LRGUK: variants seen among roughly 807,000 people sequenced by gnomAD.
The protein encoded by LRGUK is leucine rich repeats and guanylate kinase domain containing, also known as leucine-rich repeat and guanylate kinase domain-containing protein.
A neutral mutation model predicts 76.0 loss-of-function variants in LRGUK; 65 were observed. The ratio of observed to expected loss-of-function variants is 0.85; its 90% CI spans 0.70 to 1.05. The LOEUF (loss-of-function observed/expected upper bound fraction) is 1.05. LRGUK is among the 50% of genes least tolerant of loss of function. LRGUK has a pLI of 0.00. For missense variants in LRGUK, 758 were observed against 732.8 expected (o/e 1.03, Z -0.40); for synonymous variants, 268 against 265.6 (o/e 1.01, Z -0.09).
At chr7:134,230,119 T>C (rs1469284125) in intron 16 of LRGUK, among the ~76,000 whole-genome samples, 1 of 152,018 alleles carries the variant, frequency 6.6e-6, no homozygotes. Flanking sequence ...TGGGGAGATA[T>C]TTGCCGTAAC....
exon 5 of LRGUK, chr7:134,148,246 T>G: frequency 6.2e-7 from 1 of 1,601,154 alleles, no homozygotes; most frequent in Non-Finnish European, 8.5e-7. Context: ...AGAAGGCGGA[T>G]TTTTCCCACA....
intron 16 of LRGUK, among the ~76,000 whole-genome samples, chr7:134,226,911 G>A (rs1344186000): frequency 1.3e-5 from 2 of 152,116 alleles, no homozygotes; most frequent in Admixed American, 6.5e-5. Flanking sequence ...TCCTTTGGGC[G>A]ATCATCAGCA....
chr7:134,137,952 A>G (rs1332967337), intron 2 of LRGUK, among the ~76,000 whole-genome samples: 1 of 152,212 alleles, frequency 6.6e-6, no homozygotes, highest in African/African-American at 2.4e-5. Flanking sequence ...GATTTGAATG[A>G]GTAAGCTAAG....
intron 3 of LRGUK, among the ~76,000 whole-genome samples, chr7:134,142,464 T>C (rs1483064019): frequency 6.6e-6 from 1 of 152,228 alleles, no homozygotes; most frequent in Non-Finnish European, 1.5e-5. Context: ...AAGTGTGTGC[T>C]TGGGATAAAA....
chr7:134,225,127 A>AG (rs1219244335), intron 16 of LRGUK, among the ~76,000 whole-genome samples: 1 of 90,904 alleles, frequency 1.1e-5, no homozygotes, highest in African/African-American at 5.7e-5. Flanking sequence ...CAGAACTGGA[A>AG]AAAAAAAAAA....
intron 14 of LRGUK, among the ~76,000 whole-genome samples, chr7:134,201,140 T>C (rs947640692): frequency 1.8e-4 from 28 of 152,204 alleles, no homozygotes; most frequent in Non-Finnish European, 3.8e-4. Flanking sequence ...TCTCCTTTTA[T>C]GTGGCTCATG....
chr7:134,180,452 T>A (rs916508295), intron 10 of LRGUK, among the ~76,000 whole-genome samples: 2 of 152,134 alleles, frequency 1.3e-5, no homozygotes, highest in African/African-American at 2.4e-5. Context: ...ATTCTTGATA[T>A]TTACAATTTT....
intron 16 of LRGUK, among the ~76,000 whole-genome samples, chr7:134,245,783 A>G (rs1196623958): frequency 2.0e-5 from 3 of 152,206 alleles, no homozygotes; most frequent in African/African-American, 7.2e-5. Flanking sequence ...AATTCACGGG[A>G]GAGTGAATAA....
chr7:134,141,765 C>G (rs1255103906), intron 3 of LRGUK: 1 of 152,116 alleles, frequency 6.6e-6, no homozygotes, highest in African/African-American at 2.4e-5. Context: ...ATGGACAAAT[C>G]GATACCACTT....
intron 16 of LRGUK, among the ~76,000 whole-genome samples, chr7:134,222,794 G>C (rs1801635002): frequency 6.6e-6 from 1 of 152,082 alleles, no homozygotes; most frequent in African/African-American, 2.4e-5. Flanking sequence ...TTTCAGTAGA[G>C]ATGGGGTTTT....
At chr7:134,179,619 A>G (rs559454633) in intron 10 of LRGUK, among the ~76,000 whole-genome samples, 8 of 152,296 alleles carry the variant, frequency 5.3e-5, no homozygotes, top group African/African-American at 1.7e-4. Flanking sequence ...TCCTCATTGT[A>G]TTTCTATTCT....
rs758920526 is a variant in LRGUK at position 134,143,148 on chromosome 7, C to T, written c.574C>T (p.Pro192Ser). 16 of 1,601,824 alleles carry T rather than the reference C, an allele frequency of 1.0e-5. No individual in the cohort carries two copies. In the South Asian group the frequency reaches 1.8e-4, roughly 18 times the overall value. ...GACTACGTTCTTCAATTTCAAGCCA[C>T]CCAAAAACCTCAAGGTAGACTTTAT... Residue 192 changes from proline to serine, a missense_variant, in exon 4 of 16, where the codon CCC becomes TCC. By Grantham distance (74) the Pro-to-Ser change is moderately conservative. Coordinates refer to ENST00000645682, the Ensembl canonical transcript of LRGUK.
chr7:134,232,409 G>A (rs1801923397), intron 16 of LRGUK, among the ~76,000 whole-genome samples: 1 of 152,070 alleles, frequency 6.6e-6, no homozygotes. Context: ...CTCCTGAGTA[G>A]CTGGGATTAC....
In LRGUK at chr7:134,203,651, T is replaced by G. The variant is rs369525996; in HGVS notation, c.1843+2075T>G. ...TGACTGGAATGTTCCTGGAGAAAGT[T>G]TGACCTGTCTTAAAATAGGAATGGA... On this transcript the variant is annotated intron_variant, in intron 15 of 15. Coordinates refer to ENST00000645682, the Ensembl canonical transcript of LRGUK. Among the ~76,000 whole-genome samples, 5 of 152,166 alleles carry G rather than the reference T, an allele frequency of 3.3e-5. No homozygotes were observed. In the East Asian group the frequency reaches 7.7e-4, roughly 23 times the overall value.
At chr7:134,191,794 G>C (rs185518680) in intron 12 of LRGUK, 43 bp downstream of exon 12, 30 of 1,255,050 alleles carry the variant, frequency 2.4e-5, no homozygotes, top group Non-Finnish European at 3.2e-5. Context: ...AGAAATACAC[G>C]TTCTCTGGCA....
At chr7:134,205,494 G>T (rs1800966293) in intron 15 of LRGUK, among the ~76,000 whole-genome samples, 1 of 152,096 alleles carries the variant, frequency 6.6e-6, no homozygotes, top group Non-Finnish European at 1.5e-5. Flanking sequence ...CTATAATTTA[G>T]ATATATGTGT....
chr7:134,199,393 G>A (rs768386892), exon 14 of LRGUK: 17 of 1,613,278 alleles, frequency 1.1e-5, no homozygotes, highest in African/African-American at 5.3e-5. Flanking sequence ...AGAATTTTCC[G>A]GGATATTTTG....
At chr7:134,173,116 T>A (rs1008299869) in intron 7 of LRGUK, among the ~76,000 whole-genome samples, 4 of 152,204 alleles carry the variant, frequency 2.6e-5, no homozygotes, top group Admixed American at 1.3e-4. Flanking sequence ...TGATCCCTTT[T>A]AAAAAAAGAT....
At chr7:134,183,320 C>T (rs1799838215) in intron 10 of LRGUK, among the ~76,000 whole-genome samples, 1 of 152,184 alleles carries the variant, frequency 6.6e-6, no homozygotes, top group South Asian at 2.1e-4. Flanking sequence ...TAAATTTTAG[C>T]TATTACTGTT....
Sources: allele counts gnomAD v4.1 joint callset (sites outside exome capture counted in the v4.1 genomes callset), GRCh38; gene constraint gnomAD v4.1.1; transcripts MANE v1.5; gene names NCBI Gene and HGNC (gene_info 2026-07-23, HGNC 2026-07-21).